Variants in MBD5 observed in about 807,000 individuals in gnomAD.
The protein encoded by MBD5 is methyl-CpG-binding domain protein 5.
A neutral mutation model predicts 117.3 loss-of-function variants in MBD5; 13 were observed. That is an observed-to-expected ratio of 0.11 (90% CI 0.07 to 0.18). MBD5 has a LOEUF of 0.18. MBD5 is among the 10% of genes least tolerant of loss of function. The pLI, the probability that MBD5 is intolerant of heterozygous loss-of-function variation, is 1.00. For missense variants in MBD5, 1,879 were observed against 2,093.8 expected, an observed-to-expected ratio of 0.90 and a Z score of 2.00; for synonymous variants, 727 against 766.4, an observed-to-expected ratio of 0.95 and a Z score of 0.85.
intron 1 of MBD5, among the ~76,000 whole-genome samples, chr2:148,090,875 A>G (rs1343618224): frequency 6.6e-6 from 1 of 152,158 alleles, no homozygotes; most frequent in East Asian, 1.9e-4. Context: ...AGGGCATCCA[A>G]GAGGAAGTCA....
At chr2:148,159,551 G>A (rs1304650712) in intron 1 of MBD5, among the ~76,000 whole-genome samples, 1 of 152,072 alleles carries the variant, frequency 6.6e-6, no homozygotes, top group Non-Finnish European at 1.5e-5. Context: ...CTCCCAAAGT[G>A]CTGGGTTTAC....
At chr2:148,058,351 G>A (rs1694929771) in intron 1 of MBD5, among the ~76,000 whole-genome samples, 1 of 152,002 alleles carries the variant, frequency 6.6e-6, no homozygotes, top group Admixed American at 6.5e-5. Flanking sequence ...TAGCTAGTAA[G>A]TGGGAAGAGC....
At chr2:148,191,026 G>T (rs1698813904) in intron 2 of MBD5, among the ~76,000 whole-genome samples, 1 of 149,262 alleles carries the variant, frequency 6.7e-6, no homozygotes, top group Non-Finnish European at 1.5e-5. Context: ...TTACATAATG[G>T]TAAAGGGATC....
intron 1 of MBD5, among the ~76,000 whole-genome samples, chr2:148,117,325 TA>T (rs202242983): frequency 0.025 from 3,587 of 143,760 alleles, 111 homozygotes; most frequent in African/African-American, 0.071. Flanking sequence ...CCTTTTTCAA[TA>T]AAAAAAAAAA....
At chr2:148,510,256 T>C in intron 13 of MBD5, 121 bp downstream of exon 13, 1 of 698,260 alleles carries the variant, frequency 1.4e-6, no homozygotes, top group Non-Finnish European at 2.5e-6. Context: ...ATTACTAGCC[T>C]AGAAAAAAAA....
intron 3 of MBD5, among the ~76,000 whole-genome samples, chr2:148,290,290 A>G (rs1162854257): frequency 1.3e-5 from 2 of 151,586 alleles, no homozygotes; most frequent in African/African-American, 4.9e-5. Context: ...AATGAATGGA[A>G]AAGTAAGCTG....
intron 3 of MBD5, among the ~76,000 whole-genome samples, chr2:148,329,739 T>A (rs1050478932): frequency 6.6e-6 from 1 of 152,208 alleles, no homozygotes; most frequent in African/African-American, 2.4e-5. Flanking sequence ...TTGCACATTC[T>A]TATATTTTAT....
intron 3 of MBD5, among the ~76,000 whole-genome samples, chr2:148,247,242 T>G (rs1161199149): frequency 6.6e-6 from 1 of 152,226 alleles, no homozygotes; most frequent in Non-Finnish European, 1.5e-5. Context: ...TGCAGCAGAT[T>G]TTCTTGCAGA....
intron 3 of MBD5, among the ~76,000 whole-genome samples, chr2:148,259,551 T>C (rs1164989210): frequency 6.6e-6 from 1 of 152,170 alleles, no homozygotes; most frequent in Non-Finnish European, 1.5e-5. Flanking sequence ...AATTCTCAGG[T>C]TCTAACTGAG....
At chr2:148,322,557 A>G (rs1411085955) in intron 3 of MBD5, among the ~76,000 whole-genome samples, 2 of 152,200 alleles carry the variant, frequency 1.3e-5, no homozygotes, top group Non-Finnish European at 2.9e-5. Context: ...ATGTAATTGT[A>G]GGGAAGGAGA....
chr2:148,437,878 C>A (rs1197965616), intron 4 of MBD5, among the ~76,000 whole-genome samples: 1 of 152,100 alleles, frequency 6.6e-6, no homozygotes, highest in Non-Finnish European at 1.5e-5. Flanking sequence ...TGAGATTAAT[C>A]AAAAGCCTTA....
chr2:148,111,961 T>A (rs1166185510), intron 1 of MBD5, among the ~76,000 whole-genome samples: 1 of 152,184 alleles, frequency 6.6e-6, no homozygotes. Flanking sequence ...TATATGAATG[T>A]GGTCTATCTC....
intron 2 of MBD5, among the ~76,000 whole-genome samples, chr2:148,218,977 C>T (rs957640897): frequency 4.1e-4 from 62 of 152,156 alleles, no homozygotes; most frequent in African/African-American, 1.5e-3. Flanking sequence ...TTTTTTTCTA[C>T]AATAACAAAT....
Position 148,185,924 on chromosome 2 carries a change from C to T in MBD5, c.-831+7131C>T, listed in dbSNP as rs573962178. Among the ~76,000 whole-genome samples the T allele has an allele frequency of 3.9e-5, 6 of 152,058 alleles. No homozygotes were observed. The South Asian group carries it at 8.3e-4, about 21-fold the overall frequency. The stretch of plus-strand genomic sequence containing the variant: ...TGTAATTATTGAATTGATGGGTTTG[C>T]GTAGGATAGTTTTTAAATGTGGATA... On this transcript the variant is annotated intron_variant, in intron 2 of 13. Transcript: ENST00000642680.
intron 1 of MBD5, among the ~76,000 whole-genome samples, chr2:148,053,033 A>G (rs1426011841): frequency 1.3e-5 from 2 of 149,912 alleles, no homozygotes; most frequent in Non-Finnish European, 3.0e-5. Context: ...ATAGATGTCT[A>G]TTAGTTTCTA....
chr2:148,280,133 A>AAG (rs1701210479), intron 3 of MBD5, among the ~76,000 whole-genome samples: 1 of 131,076 alleles, frequency 7.6e-6, no homozygotes, highest in Non-Finnish European at 1.5e-5. Flanking sequence ...ACTAACTGCA[A>AAG]AAAAAAAAAA....
rs1390924721 is a variant in MBD5 at position 148,515,206 on chromosome 2, T to C, written c.*2265T>C. 1 of 152,222 alleles carries C rather than the reference T, an allele frequency of 6.6e-6. No individual in the cohort carries two copies. The highest frequency in any genetic ancestry group is 1.9e-4 in the East Asian group (1 of 5,204). The allele number at this position is 152,222 out of a possible 1,614,324, so 9.4% of individuals were successfully genotyped here. A position where few individuals can be genotyped will look rare whatever the true frequency, so the allele number is the denominator to read the frequency against. On this transcript the variant is annotated 3_prime_UTR_variant, in exon 14 of 14. Transcript: ENST00000642680. ...ATGTGTGTATGTGTTGATATGTAAA[T>C]TTTTTAGCCTTTGCTTTTCTGTCTT...
chr2:148,063,178 G>A (rs554957211), intron 1 of MBD5, among the ~76,000 whole-genome samples: 1 of 152,006 alleles, frequency 6.6e-6, no homozygotes, highest in Non-Finnish European at 1.5e-5. Flanking sequence ...TTTCCTTTAG[G>A]AGTTGTGGGT....
At chr2:148,365,787 G>A (rs143584372) in intron 4 of MBD5, among the ~76,000 whole-genome samples, 166 of 151,870 alleles carry the variant, frequency 1.1e-3, no homozygotes, top group African/African-American at 3.2e-3. Flanking sequence ...GGAAGAAGTC[G>A]AATCACTGAA....
Sources: gnomAD v4.1 joint callset for allele counts (sites outside exome capture counted in the v4.1 genomes callset) on GRCh38, gnomAD v4.1.1 for gene constraint, MANE v1.5 for transcripts, NCBI Gene and HGNC (gene_info 2026-07-23, HGNC 2026-07-21) for gene names.